TENM4: variants seen among roughly 807,000 people sequenced by gnomAD.
The protein encoded by TENM4 is teneurin-4.
A neutral mutation model predicts 243.3 loss-of-function variants in TENM4; 82 were observed. That is an observed-to-expected ratio of 0.34 (90% CI 0.28 to 0.40). The LOEUF (loss-of-function observed/expected upper bound fraction) is 0.40, where lower values mean the gene tolerates loss of function less well. TENM4 is among the 10% of genes least tolerant of loss of function. TENM4 has a pLI of 1.00. For missense variants in TENM4, 3,138 were observed against 3,673.3 expected (o/e 0.85, Z 3.77); for synonymous variants, 1,412 against 1,456.3 (o/e 0.97, Z 0.69).
intron 6 of TENM4, among the ~76,000 whole-genome samples, chr11:79,006,650 A>C (rs373877870): frequency 2.7e-4 from 41 of 152,320 alleles, no homozygotes; most frequent in Admixed American, 2.0e-3. Context: ...ATATATATCC[A>C]CCAAATTTAG....
rs1857874362 is a variant in TENM4, at chr11:78,655,742, C to G, written c.*2316G>C. On this transcript the variant is annotated 3_prime_UTR_variant, in exon 34 of 34. Transcript: ENST00000278550. The stretch of plus-strand genomic sequence containing the variant: ...AGGCAGCCAGGATGGGACTGATCAA[C>G]TGGGCAGGAGCACTTTGCCCAAGGG... 1 of 152,268 alleles carries G rather than the reference C, an allele frequency of 6.6e-6. No homozygotes were observed. The highest frequency in any genetic ancestry group is 1.5e-5 in the Non-Finnish European group (1 of 68,102). 9.4% of individuals were successfully genotyped at this position (152,268 alleles called of 1,614,324 possible).
At chr11:79,232,855 G>C (rs1025831189) in intron 2 of TENM4, among the ~76,000 whole-genome samples, 2 of 152,248 alleles carry the variant, frequency 1.3e-5, no homozygotes, top group African/African-American at 2.4e-5. Flanking sequence ...ACCCAAGTGA[G>C]GTCAGGAGAG....
At chr11:78,855,848 TA>T in intron 11 of TENM4, 115 bp downstream of exon 11, 1 of 989,016 alleles carries the variant, frequency 1.0e-6, no homozygotes, top group Non-Finnish European at 1.5e-6. Flanking sequence ...GAATGGGCTA[TA>T]AAATATATAA....
chr11:78,945,578 A>G (rs894152501), intron 6 of TENM4, among the ~76,000 whole-genome samples: 2 of 152,170 alleles, frequency 1.3e-5, no homozygotes, highest in Non-Finnish European at 2.9e-5. Flanking sequence ...CTTTAAATCT[A>G]AAGCTAGAAA....
At chr11:79,404,568 C>G (rs1858528267) in intron 1 of TENM4, among the ~76,000 whole-genome samples, 1 of 152,184 alleles carries the variant, frequency 6.6e-6, no homozygotes, top group South Asian at 2.1e-4. Flanking sequence ...TTAAACACCA[C>G]TAAATTGTAC....
chr11:78,899,838 C>T (rs1430517479), intron 7 of TENM4, among the ~76,000 whole-genome samples: 1 of 152,188 alleles, frequency 6.6e-6, no homozygotes, highest in Non-Finnish European at 1.5e-5. Flanking sequence ...CTGAGGCTCT[C>T]ACCAGAAGCA....
chr11:79,148,052 A>C lies in TENM4; in HGVS notation c.-66+658T>G, dbSNP rs115266832. 2.5e-3 allele frequency among the ~76,000 whole-genome samples: 377 copies of C among 152,224 alleles called. 2 individuals carry two copies. Among genetic ancestry groups the C allele is most frequent in the African/African-American group, 8.5e-3 (352 of 41,554 alleles). On this transcript the variant is annotated intron_variant, in intron 4 of 33. Coordinates refer to ENST00000278550, the MANE Select transcript of TENM4 (RefSeq NM_001098816.3). ...TTTCCTGAAAACACAACAAGAGTAGAACTGGGGCTGAACCCAGGCCTGCTC... is the reference window on the plus strand; with the variant it reads ...TTTCCTGAAAACACAACAAGAGTAGCACTGGGGCTGAACCCAGGCCTGCTC...
intron 2 of TENM4, among the ~76,000 whole-genome samples, chr11:79,278,005 A>G (rs982548798): frequency 6.6e-6 from 1 of 152,242 alleles, no homozygotes; most frequent in African/African-American, 2.4e-5. Context: ...GCAAAAGAAC[A>G]AAAAAGCTAA....
At chr11:79,166,402 T>G (rs1862915132) in intron 3 of TENM4, among the ~76,000 whole-genome samples, 1 of 152,168 alleles carries the variant, frequency 6.6e-6, no homozygotes, top group Admixed American at 6.5e-5. Flanking sequence ...TGGTGCCAGG[T>G]ACTATGCTTG....
At chr11:79,256,999 T>C (rs1412060648) in intron 2 of TENM4, among the ~76,000 whole-genome samples, 1 of 152,072 alleles carries the variant, frequency 6.6e-6, no homozygotes, top group Non-Finnish European at 1.5e-5. Flanking sequence ...ACCACTGAGC[T>C]GCAATTTAAA....
chr11:79,342,760 C>T (rs1291229029), intron 1 of TENM4, among the ~76,000 whole-genome samples: 1 of 152,094 alleles, frequency 6.6e-6, no homozygotes, highest in Non-Finnish European at 1.5e-5. Context: ...AAATTCTGCT[C>T]TAAGCCTCAG....
At position 79,064,932 on chromosome 11, in the gene TENM4, A is replaced by G. The variant is rs897270091; in HGVS notation, c.299T>C (p.Ile100Thr). Residue 100 changes from isoleucine to threonine, a missense_variant, in exon 6 of 34, where the codon ATT (isoleucine) becomes ACT (threonine). Ile to Thr is a moderately conservative substitution (Grantham distance 89, BLOSUM62 -1). Around this residue, in one of 2 missense-constraint regions of TENM4, gnomAD observed 671 missense variants for 614.1 expected, o/e 1.09. Transcript: ENST00000278550. ...PPHGTLYRTD[I>T]GLPHCGYSMG... ...GGAGTAGCCGCAGTGGGGGAGGCCA[A>G]TGTCTGTCCGGTACAGGGTCCCGTG... 1 of 1,535,532 alleles carries G rather than the reference A, an allele frequency of 6.5e-7. No individual in the cohort carries two copies. The highest frequency in any genetic ancestry group is 1.4e-5 in the African/African-American group (1 of 72,782).
At chr11:79,377,527 G>A (rs755546286) in intron 1 of TENM4, among the ~76,000 whole-genome samples, 8 of 152,116 alleles carry the variant, frequency 5.3e-5, no homozygotes, top group Non-Finnish European at 1.0e-4. Flanking sequence ...GTAACAGTTC[G>A]CACCTGCAGA....
chr11:79,259,662 C>CATCCATCCATCCATCT (rs1855762190), intron 2 of TENM4, among the ~76,000 whole-genome samples: 1 of 15,204 alleles, frequency 6.6e-5, no homozygotes, highest in Non-Finnish European at 1.5e-4. Context: ...TCCATCTATC[C>CATCCATCCATCCATCT]ATCCATCCAT....
At chr11:79,180,178 G>A (rs974864419) in intron 3 of TENM4, among the ~76,000 whole-genome samples, 2 of 151,534 alleles carry the variant, frequency 1.3e-5, no homozygotes, top group African/African-American at 4.8e-5. Context: ...AATGCATTTT[G>A]GCAAAAAGGA....
At chr11:79,075,552 G>A (rs755584525) in intron 4 of TENM4, among the ~76,000 whole-genome samples, 9 of 152,216 alleles carry the variant, frequency 5.9e-5, no homozygotes, top group Non-Finnish European at 1.2e-4. Context: ...AACAAATTAT[G>A]TAACTACTTT....
intron 6 of TENM4, among the ~76,000 whole-genome samples, chr11:78,996,879 G>A (rs1320443512): frequency 6.6e-6 from 1 of 152,198 alleles, no homozygotes; most frequent in African/African-American, 2.4e-5. Context: ...CCGGGGCATG[G>A]TTCCACCTTC....
At chr11:79,082,735 A>G (rs1412330299) in intron 4 of TENM4, among the ~76,000 whole-genome samples, 1 of 152,202 alleles carries the variant, frequency 6.6e-6, no homozygotes, top group African/African-American at 2.4e-5. Context: ...CATCTTGGAA[A>G]GGAAGCTATG....
At chr11:78,763,405 G>T (rs573844888) in intron 18 of TENM4, among the ~76,000 whole-genome samples, 14 of 152,218 alleles carry the variant, frequency 9.2e-5, no homozygotes, top group Non-Finnish European at 1.9e-4. Flanking sequence ...AGGGGGGCCA[G>T]CATCTGGGGG....
Sources: gnomAD v4.1 joint callset for allele counts (sites outside exome capture counted in the v4.1 genomes callset) on GRCh38, gnomAD v4.1.1 for gene constraint, gnomAD v4.1.1 regional missense constraint, MANE v1.5 for transcripts, NCBI Gene and HGNC (gene_info 2026-07-23, HGNC 2026-07-21) for gene names.